The following COL22A1 variants were observed in gnomAD, a reference collection of about 807,000 sequenced individuals.
The protein encoded by COL22A1 is collagen alpha-1(XXII) chain.
In COL22A1, 221 loss-of-function variants were observed where a neutral mutation model predicts 248.9. The ratio of observed to expected loss-of-function variants is 0.89; its 90% CI spans 0.80 to 0.99. The LOEUF is 0.99. Ranked by LOEUF, COL22A1 falls within the 50% of genes least tolerant of loss-of-function variation. The pLI is 0.00. For synonymous variants in COL22A1, 891 were observed against 793.4 expected, an observed-to-expected ratio of 1.12 and a Z score of -2.07; for missense variants, 2,240 against 2,179.0, an observed-to-expected ratio of 1.03 and a Z score of -0.56.
chr8:138,622,010 G>C (rs939549351), intron 52 of COL22A1, among the ~76,000 whole-genome samples: 3 of 152,360 alleles, frequency 2.0e-5, no homozygotes, highest in South Asian at 4.1e-4. Context: ...CTGGCAAACA[G>C]TGTAAAATGA....
intron 46 of COL22A1, 57 bp from the exon 47 acceptor site, chr8:138,646,739 C>T (rs1822237828): frequency 1.6e-6 from 2 of 1,284,780 alleles, no homozygotes; most frequent in African/African-American, 3.0e-5. Flanking sequence ...AGGCCCACAT[C>T]CAGGGTCATC....
At chr8:138,623,234 G>A (rs1213401308) in intron 52 of COL22A1, among the ~76,000 whole-genome samples, 4 of 74,754 alleles carry the variant, frequency 5.4e-5, no homozygotes, top group African/African-American at 1.7e-4. Flanking sequence ...GTATGTGTGT[G>A]TACATATATA....
At chr8:138,654,827 C>G (rs560293057) in intron 45 of COL22A1, among the ~76,000 whole-genome samples, 1 of 152,322 alleles carries the variant, frequency 6.6e-6, no homozygotes, top group East Asian at 1.9e-4. Context: ...TATGTTCAAC[C>G]TCTCAGGACC....
At chr8:138,673,794 C>T (rs1390760211) in intron 41 of COL22A1, among the ~76,000 whole-genome samples, 2 of 152,106 alleles carry the variant, frequency 1.3e-5, no homozygotes, top group African/African-American at 4.8e-5. Context: ...CCTGGGCATG[C>T]ACCTGCCCAG....
chr8:138,722,173 G>A lies in COL22A1; in HGVS notation c.2248-84C>T, dbSNP rs535728701. 50 of 1,226,174 alleles carry A rather than the reference G, an allele frequency of 4.1e-5. No homozygotes were observed. The South Asian group carries it at 7.1e-4, about 18-fold the overall frequency. The allele number at this position is 1,226,174 out of a possible 1,614,324, so 76.0% of individuals were successfully genotyped here. A position where few individuals can be genotyped will look rare whatever the true frequency, so the allele number is the denominator to read the frequency against. On this transcript the variant is annotated intron_variant, in intron 25 of 64. Coordinates refer to ENST00000303045, the MANE Select transcript of COL22A1 (RefSeq NM_152888.3). The stretch of plus-strand genomic sequence containing the variant: ...ATTAAGTTGTTTCAAACCAGGAGCT[G>A]TTTTTGCAGCCAGAATGCAGGAGGC...
chr8:138,651,381 G>A (rs1822722858), intron 45 of COL22A1, among the ~76,000 whole-genome samples: 1 of 152,194 alleles, frequency 6.6e-6, no homozygotes, highest in African/African-American at 2.4e-5. Context: ...CAGAGCATGA[G>A]TGCTATAAAT....
At chr8:138,734,303 C>A (rs1228311834) in intron 23 of COL22A1, among the ~76,000 whole-genome samples, 1 of 152,192 alleles carries the variant, frequency 6.6e-6, no homozygotes, top group Admixed American at 6.5e-5. Context: ...CATTAATGTA[C>A]GAATTCTCAT....
intron 16 of COL22A1, among the ~76,000 whole-genome samples, chr8:138,768,305 G>T (rs188914793): frequency 6.6e-6 from 1 of 152,136 alleles, no homozygotes; most frequent in Non-Finnish European, 1.5e-5. Context: ...CAGTTGCACG[G>T]CACTGTTGAC....
intron 4 of COL22A1, among the ~76,000 whole-genome samples, chr8:138,843,525 T>C (rs540895146): frequency 1.9e-4 from 29 of 152,290 alleles, no homozygotes; most frequent in African/African-American, 6.5e-4. Flanking sequence ...CAGGGAGGAC[T>C]GGATCCATGT....
chr8:138,780,386 C>T (rs1237203471), intron 13 of COL22A1, among the ~76,000 whole-genome samples: 3 of 152,110 alleles, frequency 2.0e-5, no homozygotes, highest in African/African-American at 7.2e-5. Flanking sequence ...GTGAAGAACG[C>T]AGAACTAATG....
chr8:138,895,291 C>A (rs1825327483), intron 1 of COL22A1, among the ~76,000 whole-genome samples: 1 of 152,050 alleles, frequency 6.6e-6, no homozygotes, highest in South Asian at 2.1e-4. Flanking sequence ...AGAACCAGGG[C>A]AATTACAGCT....
intron 11 of COL22A1, 55 bp downstream of exon 11, chr8:138,802,817 G>A (rs1360674722): frequency 3.6e-6 from 5 of 1,407,626 alleles, no homozygotes; most frequent in South Asian, 1.2e-5. Flanking sequence ...AGGGCCCTGG[G>A]TCCCCCACGC....
chr8:138,821,447 T>C, intron 6 of COL22A1, 36 bp from the exon 7 acceptor site: 5 of 1,595,366 alleles, frequency 3.1e-6, no homozygotes, highest in Non-Finnish European at 4.3e-6. Context: ...CTTGAGCTTC[T>C]TGGGGCCAAG....
At chr8:138,909,938 T>C (rs1815326965) in intron 1 of COL22A1, among the ~76,000 whole-genome samples, 1 of 152,150 alleles carries the variant, frequency 6.6e-6, no homozygotes, top group Admixed American at 6.5e-5. Context: ...TTAAGAATAA[T>C]CTGAGATACA....
At chr8:138,760,102 C>T in intron 18 of COL22A1, 141 bp downstream of exon 18, 2 of 500,770 alleles carry the variant, frequency 4.0e-6, no homozygotes, top group Non-Finnish European at 6.8e-6. Flanking sequence ...TTCCTGATGC[C>T]CCAGCCACCA....
At chr8:138,687,780 G>T (rs993223843) in intron 37 of COL22A1, among the ~76,000 whole-genome samples, 13 of 152,188 alleles carry the variant, frequency 8.5e-5, no homozygotes, top group African/African-American at 2.9e-4. Context: ...TTAGATCAGG[G>T]TTTCTCAACC....
intron 56 of COL22A1, 130 bp downstream of exon 56, chr8:138,613,737 A>G (rs111946136): frequency 2.8e-5 from 25 of 891,916 alleles, no homozygotes; most frequent in African/African-American, 2.3e-4. Flanking sequence ...GCAGCTATTT[A>G]CCAACTGCTA....
chr8:138,663,036 A>ACACACACACACACAC (rs1554737820), intron 42 of COL22A1, among the ~76,000 whole-genome samples: 8 of 151,870 alleles, frequency 5.3e-5, no homozygotes, highest in Non-Finnish European at 8.8e-5. Flanking sequence ...ACACACACAC[A>ACACACACACACACAC]AAGCAATCCC....
At chr8:138,819,957 G>C (rs1477366022) in intron 7 of COL22A1, among the ~76,000 whole-genome samples, 1 of 151,962 alleles carries the variant, frequency 6.6e-6, no homozygotes, top group African/African-American at 2.4e-5. Flanking sequence ...TAAGTAAAGT[G>C]CATGGAGATG....
Sources: gnomAD v4.1 joint callset for allele counts (sites outside exome capture counted in the v4.1 genomes callset) on GRCh38, gnomAD v4.1.1 for gene constraint, MANE v1.5 for transcripts, NCBI Gene and HGNC (gene_info 2026-07-23, HGNC 2026-07-21) for gene names.